Variants in CADM2 observed in about 807,000 individuals in gnomAD.
CADM2 encodes cell adhesion molecule 2.
A neutral mutation model predicts 49.8 loss-of-function variants in CADM2; 12 were observed. The ratio of observed to expected loss-of-function variants is 0.24; its 90% CI spans 0.15 to 0.39. The LOEUF (loss-of-function observed/expected upper bound fraction) is 0.39. CADM2 is among the 10% of genes least tolerant of loss of function. The pLI is 1.00. For synonymous variants in CADM2, 214 were observed against 175.4 expected, an observed-to-expected ratio of 1.22 and a Z score of -1.74; for missense variants, 378 against 492.3, an observed-to-expected ratio of 0.77 and a Z score of 2.20.
At chr3:85,926,859 G>A (rs1180636940) in intron 6 of CADM2, among the ~76,000 whole-genome samples, 1 of 152,136 alleles carries the variant, frequency 6.6e-6, no homozygotes, top group Non-Finnish European at 1.5e-5. Flanking sequence ...TAACCAGATA[G>A]AGAAAGAGTT....
intron 3 of CADM2, among the ~76,000 whole-genome samples, chr3:85,876,430 T>C (rs1389960657): frequency 2.0e-5 from 3 of 152,178 alleles, no homozygotes; most frequent in Admixed American, 6.6e-5. Flanking sequence ...GGTATTGATA[T>C]GTACCATGAC....
chr3:85,579,504 A>T (rs949849053), intron 1 of CADM2, among the ~76,000 whole-genome samples: 3 of 152,182 alleles, frequency 2.0e-5, no homozygotes, highest in African/African-American at 7.2e-5. Flanking sequence ...AGATTTAGTC[A>T]GTTCCTTTCA....
At chr3:85,512,142 G>C (rs898703832) in intron 1 of CADM2, among the ~76,000 whole-genome samples, 3 of 151,922 alleles carry the variant, frequency 2.0e-5, no homozygotes, top group African/African-American at 7.3e-5. Flanking sequence ...TAGTTTTTCA[G>C]CACTTTCTTC....
chr3:85,617,262 C>A (rs2063825887), intron 1 of CADM2, among the ~76,000 whole-genome samples: 1 of 152,174 alleles, frequency 6.6e-6, no homozygotes, highest in Non-Finnish European at 1.5e-5. Flanking sequence ...GGGGTTCCCA[C>A]AACCCTACCT....
intron 1 of CADM2, among the ~76,000 whole-genome samples, chr3:85,108,009 T>C (rs1402481488): frequency 6.6e-6 from 1 of 152,094 alleles, no homozygotes; most frequent in Non-Finnish European, 1.5e-5. Context: ...GTAGGCAGTA[T>C]GACTATTTCT....
At chr3:85,091,844 C>T (rs1303718812) in intron 1 of CADM2, among the ~76,000 whole-genome samples, 2 of 152,040 alleles carry the variant, frequency 1.3e-5, no homozygotes, top group Non-Finnish European at 2.9e-5. Flanking sequence ...GGTTATAGTG[C>T]TTACTGCAGC....
intron 8 of CADM2, among the ~76,000 whole-genome samples, chr3:86,003,167 G>C (rs1730387258): frequency 6.6e-6 from 1 of 152,082 alleles, no homozygotes; most frequent in African/African-American, 2.4e-5. Flanking sequence ...TGGCAAATGA[G>C]TGCCACGTTT....
chr3:85,150,471 A>T lies in CADM2; in HGVS notation c.61+190803A>T, dbSNP rs182603872. 4.9e-3 allele frequency among the ~76,000 whole-genome samples: 745 copies of T among 152,222 alleles called. 6 individuals are homozygous for T. Among genetic ancestry groups the T allele is most frequent in the African/African-American group, 0.017 (718 of 41,530 alleles). On this transcript the variant is annotated intron_variant, in intron 1 of 9. Coordinates refer to ENST00000383699, the MANE Select transcript of CADM2 (RefSeq NM_001167675.2). ...AGTAGTTTTTCTTGAGCTGTCAGAAATTTTTTTTCCAATGAAGACCAAATT... is the reference window on the plus strand; with the variant it reads ...AGTAGTTTTTCTTGAGCTGTCAGAATTTTTTTTTCCAATGAAGACCAAATT...
chr3:85,155,035 C>T (rs1285598088), intron 1 of CADM2, among the ~76,000 whole-genome samples: 8 of 149,918 alleles, frequency 5.3e-5, no homozygotes, highest in South Asian at 4.2e-4. Flanking sequence ...CATCAACTAA[C>T]GAGCAAAATA....
Position 85,525,539 on chromosome 3 carries a change from G to A in CADM2, c.62-200983G>A, listed in dbSNP as rs75313580. Reference sequence around the variant, plus strand: ...TTATCCTATTTGTGTCTTTATAGTTGAAATATGTTCCTTGGAGGCAGCATA... The same window carrying A: ...TTATCCTATTTGTGTCTTTATAGTTAAAATATGTTCCTTGGAGGCAGCATA... On this transcript the variant is annotated intron_variant, in intron 1 of 9. Coordinates refer to ENST00000383699, the MANE Select transcript of CADM2 (RefSeq NM_001167675.2). Among the ~76,000 whole-genome samples the A allele has an allele frequency of 1.5e-3, 230 of 152,166 alleles. 5 individuals are homozygous for A. The East Asian group carries it at 0.031, about 20-fold the overall frequency.
rs572614083 is a variant in CADM2 at position 85,337,310 on chromosome 3, G to A, written c.61+377642G>A. ...GATATAATTTAAATAGAATTTTAATGAGGGGCAAAAAGAAAGACAATTTAT... is the reference window on the plus strand; with the variant it reads ...GATATAATTTAAATAGAATTTTAATAAGGGGCAAAAAGAAAGACAATTTAT... On this transcript the variant is annotated intron_variant, in intron 1 of 9. Transcript: ENST00000383699. Among the ~76,000 whole-genome samples, 102 of 151,046 alleles carry A rather than the reference G, an allele frequency of 6.8e-4. 1 individual carries two copies. The highest frequency in any genetic ancestry group is 2.4e-3 in the African/African-American group (98 of 41,348).
At chr3:85,422,747 T>A (rs1474810871) in intron 1 of CADM2, among the ~76,000 whole-genome samples, 1 of 152,072 alleles carries the variant, frequency 6.6e-6, no homozygotes, top group East Asian at 1.9e-4. Flanking sequence ...CTGGGGTGTG[T>A]CTTTTTTATT....
At chr3:86,019,633 T>G (rs958033568) in intron 8 of CADM2, among the ~76,000 whole-genome samples, 14 of 151,888 alleles carry the variant, frequency 9.2e-5, no homozygotes, top group African/African-American at 3.4e-4. Context: ...TTATTCTCTT[T>G]GAAGCAATTG....
chr3:86,057,498 G>C (rs1738131931), intron 8 of CADM2, among the ~76,000 whole-genome samples: 2 of 152,222 alleles, frequency 1.3e-5, no homozygotes, highest in South Asian at 4.1e-4. Context: ...CAATCTGTTT[G>C]GAATTTAGCA....
intron 1 of CADM2, among the ~76,000 whole-genome samples, chr3:85,112,312 T>G (rs1484399147): frequency 6.6e-6 from 1 of 151,562 alleles, no homozygotes; most frequent in African/African-American, 2.4e-5. Context: ...GTGAATAAAA[T>G]CACAGAATAC....
chr3:85,874,206 T>C (rs1262242682), intron 3 of CADM2, among the ~76,000 whole-genome samples: 1 of 152,204 alleles, frequency 6.6e-6, no homozygotes, highest in African/African-American at 2.4e-5. Flanking sequence ...GTGAAAAATT[T>C]AATCCAAATT....
At chr3:85,363,901 G>A (rs1402644238) in intron 1 of CADM2, among the ~76,000 whole-genome samples, 2 of 152,156 alleles carry the variant, frequency 1.3e-5, no homozygotes, top group Non-Finnish European at 2.9e-5. Context: ...GTGAGCCACC[G>A]CGCCCGGCCT....
intron 6 of CADM2, among the ~76,000 whole-genome samples, chr3:85,913,491 G>A (rs1270847523): frequency 6.6e-6 from 1 of 152,066 alleles, no homozygotes; most frequent in Non-Finnish European, 1.5e-5. Flanking sequence ...TAAACTCTAA[G>A]TACTGTTCCA....
At chr3:85,185,970 C>G (rs2107713442) in intron 1 of CADM2, among the ~76,000 whole-genome samples, 1 of 152,232 alleles carries the variant, frequency 6.6e-6, no homozygotes. Context: ...GGCAATTTAG[C>G]TTGATCTATC....
Sources: allele counts gnomAD v4.1 joint callset (sites outside exome capture counted in the v4.1 genomes callset), GRCh38; gene constraint gnomAD v4.1.1; transcripts MANE v1.5; gene names NCBI Gene and HGNC (gene_info 2026-07-23, HGNC 2026-07-21).